The following PLPP7 variants were observed in gnomAD, a reference collection of about 807,000 sequenced individuals.
The protein encoded by PLPP7 is inactive phospholipid phosphatase 7.
Under a neutral mutation model 16.9 loss-of-function variants are expected in PLPP7, and 11 were observed. That is an observed-to-expected ratio of 0.65 (90% CI 0.41 to 1.08). The LOEUF is 1.08. Ranked by LOEUF, PLPP7 falls within the 50% of genes least tolerant of loss-of-function variation. The probability of loss-of-function intolerance (pLI) is 0.00; values close to 1 mark genes in which losing one functional copy is unlikely to be tolerated. For synonymous variants in PLPP7, 174 were observed against 175.1 expected, an observed-to-expected ratio of 0.99 and a Z score of 0.05; for missense variants, 358 against 397.1, an observed-to-expected ratio of 0.90 and a Z score of 0.84.
intron 1 of PLPP7, among the ~76,000 whole-genome samples, chr9:131,298,220 T>A (rs1284957486): frequency 6.6e-6 from 1 of 152,104 alleles, no homozygotes; most frequent in African/African-American, 2.4e-5. Flanking sequence ...GGAGGAGAGT[T>A]CTGATTCCGA....
At position 131,290,202 on chromosome 9, in the gene PLPP7, G is replaced by T; in HGVS notation, c.205G>T (p.Asp69Tyr). The change falls in exon 1 of 2, where the codon GAC becomes TAC. Residue 69 changes from aspartate (D) to tyrosine (Y), a missense_variant. Transcript: ENST00000372264. The surrounding 1 kb of genome is among the most constrained non-coding windows in gnomAD (Gnocchi z 4.2). ...CCAGTCACAGCAGCTGCCAGAGGAGGACTGCATGCAGCTGAACCCCTCCTT... is the reference window on the plus strand; with the variant it reads ...CCAGTCACAGCAGCTGCCAGAGGAGTACTGCATGCAGCTGAACCCCTCCTT... ...RRQSQQLPEE[D>Y]CMQLNPSFKG... 6.2e-7 allele frequency: 1 copy of T among 1,601,150 alleles called. No individual in the cohort carries two copies. The highest frequency in any genetic ancestry group is 1.1e-5 in the South Asian group (1 of 89,242).
chr9:131,308,628 C>G lies in PLPP7; in HGVS notation c.*341C>G, dbSNP rs1454437423. On this transcript the variant is annotated 3_prime_UTR_variant, in exon 2 of 2. Coordinates refer to ENST00000372264, the MANE Select transcript of PLPP7 (RefSeq NM_032728.4). ...GGGGCCGAGTCTTGTCTTGTCCTTT[C>G]ATCATCATGACTGTTGAGTTCTTGG... 3.1e-6 allele frequency: 1 copy of G among 323,156 alleles called. No homozygotes were observed. Among genetic ancestry groups the G allele is most frequent in the Non-Finnish European group, 5.9e-6 (1 of 170,354 alleles). The allele number at this position is 323,156 out of a possible 1,614,324, so 20.0% of individuals were successfully genotyped here.
Position 131,295,774 on chromosome 9 carries a change from G to A in PLPP7, c.451+5326G>A, listed in dbSNP as rs530562803. Reference sequence around the variant, plus strand: ...GTACTGTATTTGTCTTTTGTGGCTGGCTGATTTCATTTAGCATGATATCCT... The same window carrying A: ...GTACTGTATTTGTCTTTTGTGGCTGACTGATTTCATTTAGCATGATATCCT... On this transcript the variant is annotated intron_variant, in intron 1 of 1. Transcript: ENST00000372264. The surrounding 1 kb of genome is among the most constrained non-coding windows in gnomAD (Gnocchi z 4.0). Among the ~76,000 whole-genome samples, 128 of 152,176 alleles carry A rather than the reference G, an allele frequency of 8.4e-4. No homozygotes were observed. The highest frequency in any genetic ancestry group is 2.9e-3 in the African/African-American group (122 of 41,524).
chr9:131,304,093 C>T (rs375948723), intron 1 of PLPP7, among the ~76,000 whole-genome samples: 308 of 152,288 alleles, frequency 2.0e-3, no homozygotes, highest in African/African-American at 7.1e-3. Flanking sequence ...GTCTGGCCTG[C>T]TGATGCCACC....
At position 131,289,941 on chromosome 9, in the gene PLPP7, G is replaced by T; in HGVS notation, c.-57G>T. The stretch of plus-strand genomic sequence containing the variant: ...CTCTGGGGGCAGCTCTTGTCTTCGG[G>T]GAGAAGGCCCTTGGAGCCGGGCTGG... On this transcript the variant is annotated 5_prime_UTR_variant, in exon 1 of 2. Coordinates refer to ENST00000372264, the MANE Select transcript of PLPP7 (RefSeq NM_032728.4). 7.5e-7 allele frequency: 1 copy of T among 1,339,752 alleles called. No individual in the cohort carries two copies. Among genetic ancestry groups the T allele is most frequent in the Non-Finnish European group, 9.6e-7 (1 of 1,042,388 alleles). The allele number at this position is 1,339,752 out of a possible 1,614,324, so 83.0% of individuals were successfully genotyped here. A position where few individuals can be genotyped will look rare whatever the true frequency, so the allele number is the denominator to read the frequency against.
intron 1 of PLPP7, among the ~76,000 whole-genome samples, chr9:131,293,208 C>T (rs1237830173): frequency 2.7e-5 from 4 of 150,432 alleles, no homozygotes; most frequent in Admixed American, 1.3e-4. Context: ...CTGCAAACCC[C>T]CCCACTCCTC....
intron 1 of PLPP7, 98 bp from the exon 2 acceptor site, chr9:131,307,825 G>T: frequency 7.9e-7 from 1 of 1,270,494 alleles, no homozygotes; most frequent in Non-Finnish European, 1.1e-6. Flanking sequence ...GCCTGAGTGA[G>T]GAGCAGAAAG....
intron 1 of PLPP7, among the ~76,000 whole-genome samples, chr9:131,296,197 GGGTATGAGGT>G (rs1488096324): frequency 6.6e-6 from 1 of 152,124 alleles, no homozygotes; most frequent in Non-Finnish European, 1.5e-5. Flanking sequence ...CCATCCTAAT[GGGTATGAGGT>G]GGTATCTCTT....
At position 131,308,608 on chromosome 9, in the gene PLPP7, C is replaced by T. The variant is rs922279404; in HGVS notation, c.*321C>T. 3.8e-5 allele frequency: 14 copies of T among 367,016 alleles called. No individual in the cohort carries two copies. The highest frequency in any genetic ancestry group is 1.9e-4 in the African/African-American group (9 of 48,244). The allele number at this position is 367,016 out of a possible 1,614,324, so 22.7% of individuals were successfully genotyped here. A position where few individuals can be genotyped will look rare whatever the true frequency, so the allele number is the denominator to read the frequency against. Reference sequence around the variant, plus strand: ...CAAAAATCAGGATGGTGGGAGGGGCCGAGTCTTGTCTTGTCCTTTCATCAT... The same window carrying T: ...CAAAAATCAGGATGGTGGGAGGGGCTGAGTCTTGTCTTGTCCTTTCATCAT... On this transcript the variant is annotated 3_prime_UTR_variant, in exon 2 of 2. Coordinates refer to ENST00000372264, the MANE Select transcript of PLPP7 (RefSeq NM_032728.4).
chr9:131,305,322 G>A (rs1210142799), intron 1 of PLPP7, among the ~76,000 whole-genome samples: 1 of 152,076 alleles, frequency 6.6e-6, no homozygotes, highest in Non-Finnish European at 1.5e-5. Flanking sequence ...GGCTGAGGTA[G>A]GAAGATAGCT....
chr9:131,300,999 C>T (rs577563119), intron 1 of PLPP7, among the ~76,000 whole-genome samples: 66 of 152,148 alleles, frequency 4.3e-4, no homozygotes, highest in Middle Eastern at 3.4e-3. Flanking sequence ...GACAGAGTCC[C>T]GCTCTGTCAC....
At chr9:131,306,876 G>C (rs1299521100) in intron 1 of PLPP7, among the ~76,000 whole-genome samples, 1 of 152,210 alleles carries the variant, frequency 6.6e-6, no homozygotes, top group Non-Finnish European at 1.5e-5. Flanking sequence ...ATTGTGATGT[G>C]CTGAATGCCG....
chr9:131,298,763 A>T (rs898467568), intron 1 of PLPP7, among the ~76,000 whole-genome samples: 1 of 152,130 alleles, frequency 6.6e-6, no homozygotes, highest in Non-Finnish European at 1.5e-5. Flanking sequence ...GGCCTCTGGG[A>T]GCCTCCAGCA....
intron 1 of PLPP7, among the ~76,000 whole-genome samples, chr9:131,306,016 T>C (rs1198712780): frequency 1.3e-5 from 2 of 151,410 alleles, no homozygotes; most frequent in African/African-American, 4.9e-5. Context: ...GACGGGCGGA[T>C]CGCGAGGTCA....
At chr9:131,293,462 G>T (rs574086163) in intron 1 of PLPP7, among the ~76,000 whole-genome samples, 1 of 152,324 alleles carries the variant, frequency 6.6e-6, no homozygotes, top group South Asian at 2.1e-4. Context: ...ACCTCGGCTT[G>T]GTGGGAGAAA....
intron 1 of PLPP7, among the ~76,000 whole-genome samples, chr9:131,300,076 T>C (rs1835779396): frequency 6.6e-6 from 1 of 152,186 alleles, no homozygotes; most frequent in South Asian, 2.1e-4. Flanking sequence ...TTATAAAGAA[T>C]AGAAGTGTAT....
At chr9:131,300,146 C>G (rs141511797) in intron 1 of PLPP7, among the ~76,000 whole-genome samples, 1 of 152,210 alleles carries the variant, frequency 6.6e-6, no homozygotes, top group Non-Finnish European at 1.5e-5. Context: ...CTGGTGAGGG[C>G]CTTCTTGCTC....
chr9:131,296,626 A>G (rs1835736788), intron 1 of PLPP7, among the ~76,000 whole-genome samples: 1 of 152,196 alleles, frequency 6.6e-6, no homozygotes, highest in Admixed American at 6.5e-5. Flanking sequence ...CCTCTCCCTT[A>G]AACCCTCTCC....
intron 1 of PLPP7, among the ~76,000 whole-genome samples, chr9:131,292,579 C>A (rs941298991): frequency 6.6e-6 from 1 of 152,104 alleles, no homozygotes; most frequent in Non-Finnish European, 1.5e-5. Context: ...CTTTGCTTTG[C>A]GTTTTCAGAG....
Sources: allele counts gnomAD v4.1 joint callset (sites outside exome capture counted in the v4.1 genomes callset), GRCh38; gene constraint gnomAD v4.1.1; non-coding constraint Gnocchi (gnomAD v3.1); transcripts MANE v1.5; gene names NCBI Gene and HGNC (gene_info 2026-07-23, HGNC 2026-07-21).